The following FBXO4 variants were observed in gnomAD, a reference collection of about 807,000 sequenced individuals.
FBXO4 encodes F-box only protein 4.
Under a neutral mutation model 43.7 loss-of-function variants are expected in FBXO4, and 36 were observed. The observed-to-expected ratio is 0.82, with a 90% CI of 0.63 to 1.09. The LOEUF is 1.09. Among genes scored for constraint, FBXO4 ranks in the 50% least tolerant of loss-of-function variants. The pLI is 0.00. For synonymous variants in FBXO4, 180 were observed against 165.6 expected (o/e 1.09, Z -0.67); for missense variants, 435 against 474.1 (o/e 0.92, Z 0.77).
chr5:41,934,042 G>A, intron 4 of FBXO4, 21 bp downstream of exon 4: 1 of 1,611,752 alleles, frequency 6.2e-7, no homozygotes, highest in Admixed American at 1.7e-5. Flanking sequence ...ATACTTGGTG[G>A]CTTAACTGAA....
chr5:41,996,892 A>G, the FBXO4 span, among the ~76,000 whole-genome samples: 3 of 152,236 alleles, frequency 2.0e-5, no homozygotes, highest in Non-Finnish European at 4.4e-5. Context: ...TGTCTCAGCA[A>G]TAAGTCCAGT....
the FBXO4 span, among the ~76,000 whole-genome samples, chr5:41,957,560 T>C: frequency 6.6e-6 from 1 of 151,020 alleles, no homozygotes; most frequent in African/African-American, 2.4e-5. Context: ...ATTATGTATC[T>C]ATTATTTCAT....
chr5:41,934,640 AT>A, intron 5 of FBXO4: 4 of 1,124,888 alleles, frequency 3.6e-6, no homozygotes, highest in South Asian at 3.2e-5. Context: ...GCTATACAAT[AT>A]TTTTTTGCTT....
the FBXO4 span, among the ~76,000 whole-genome samples, chr5:42,033,716 T>C: frequency 6.6e-6 from 1 of 152,204 alleles, no homozygotes; most frequent in Non-Finnish European, 1.5e-5. Flanking sequence ...TATCTCATTC[T>C]TTTTATGGCT....
At chr5:41,996,476 A>G in the FBXO4 span, among the ~76,000 whole-genome samples, 2 of 152,200 alleles carry the variant, frequency 1.3e-5, no homozygotes, top group Non-Finnish European at 2.9e-5. Flanking sequence ...AAGGCTCCAA[A>G]CAGCATCTCT....
chr5:41,988,180 T>A, the FBXO4 span, among the ~76,000 whole-genome samples: 1 of 152,150 alleles, frequency 6.6e-6, no homozygotes, highest in African/African-American at 2.4e-5. Context: ...TGAGCCAGTA[T>A]CTCTGGATTG....
chr5:41,945,078 C>T (rs1208587663), downstream of FBXO4, among the ~76,000 whole-genome samples: 1 of 152,168 alleles, frequency 6.6e-6, no homozygotes, highest in Non-Finnish European at 1.5e-5. Context: ...CTTCAGGAAA[C>T]TGTCATTAAC....
At chr5:41,985,641 G>T in the FBXO4 span, among the ~76,000 whole-genome samples, 1 of 152,114 alleles carries the variant, frequency 6.6e-6, no homozygotes, top group Admixed American at 6.6e-5. Flanking sequence ...GTCAGCCTGC[G>T]TTATAATTTT....
At chr5:41,938,383 T>C in intron 5 of FBXO4, among the ~76,000 whole-genome samples, 1 of 152,116 alleles carries the variant, frequency 6.6e-6, no homozygotes, top group East Asian at 1.9e-4. Flanking sequence ...CAGTAGTGGA[T>C]ATAAAATGGA....
At chr5:42,005,733 T>C in the FBXO4 span, among the ~76,000 whole-genome samples, 2 of 152,118 alleles carry the variant, frequency 1.3e-5, no homozygotes, top group Admixed American at 1.3e-4. Context: ...CACCCCTTCC[T>C]TACCAGTAGG....
the FBXO4 span, among the ~76,000 whole-genome samples, chr5:42,031,770 AGG>A: frequency 1.3e-5 from 2 of 151,878 alleles, no homozygotes; most frequent in African/African-American, 4.8e-5. Flanking sequence ...GGCATTGAAG[AGG>A]TAGATATTTA....
At chr5:41,940,614 T>C (rs1751981689) in intron 6 of FBXO4, among the ~76,000 whole-genome samples, 1 of 152,214 alleles carries the variant, frequency 6.6e-6, no homozygotes, top group African/African-American at 2.4e-5. Flanking sequence ...CCTGACATGA[T>C]AACCCCTGAG....
chr5:42,025,722 G>A, the FBXO4 span, among the ~76,000 whole-genome samples: 1 of 151,866 alleles, frequency 6.6e-6, no homozygotes, highest in Admixed American at 6.6e-5. Flanking sequence ...TTTTGTGAAT[G>A]GAGAGAGAGA....
chr5:41,945,494 G>A (rs1401019679), downstream of FBXO4, among the ~76,000 whole-genome samples: 1 of 151,138 alleles, frequency 6.6e-6, no homozygotes, highest in Non-Finnish European at 1.5e-5. Context: ...TTGCATGCAG[G>A]GTTGGGTAAA....
At chr5:42,026,760 A>G in the FBXO4 span, among the ~76,000 whole-genome samples, 1 of 151,516 alleles carries the variant, frequency 6.6e-6, no homozygotes, top group Admixed American at 6.6e-5. Context: ...TTATAAAAGG[A>G]TGTTGAATTG....
the FBXO4 span, among the ~76,000 whole-genome samples, chr5:42,028,194 T>C: frequency 6.6e-6 from 1 of 152,056 alleles, no homozygotes; most frequent in African/African-American, 2.4e-5. Flanking sequence ...TTTATACATG[T>C]TGGTGCTCAA....
the FBXO4 span, among the ~76,000 whole-genome samples, chr5:41,990,976 T>A: frequency 6.8e-4 from 103 of 152,192 alleles, 3 homozygotes; most frequent in Admixed American, 6.7e-3. Context: ...TGAACTTTAT[T>A]CTACCACATC....
chr5:41,972,687 A>G, the FBXO4 span, among the ~76,000 whole-genome samples: 1 of 152,318 alleles, frequency 6.6e-6, no homozygotes, highest in East Asian at 1.9e-4. Flanking sequence ...CTACAAGACT[A>G]CAGTAACCAA....
the FBXO4 span, among the ~76,000 whole-genome samples, chr5:41,968,693 G>A: frequency 6.6e-6 from 1 of 151,720 alleles, no homozygotes; most frequent in Non-Finnish European, 1.5e-5. Flanking sequence ...ATTCTGACTT[G>A]GTACCTAAGT....
Sources: allele counts gnomAD v4.1 joint callset (sites outside exome capture counted in the v4.1 genomes callset), GRCh38; gene constraint gnomAD v4.1.1; transcripts MANE v1.5; gene names NCBI Gene and HGNC (gene_info 2026-07-23, HGNC 2026-07-21).